TNFRSF1A: variants seen among roughly 807,000 people sequenced by gnomAD.
The protein encoded by TNFRSF1A is tumor necrosis factor receptor superfamily member 1A.
Under a neutral mutation model 41.6 loss-of-function variants are expected in TNFRSF1A, and 9 were observed. That is an observed-to-expected ratio of 0.22 (90% CI 0.13 to 0.38). TNFRSF1A has a LOEUF of 0.38. Ranked by LOEUF, TNFRSF1A falls within the 10% of genes least tolerant of loss-of-function variation. The pLI, the probability that TNFRSF1A is intolerant of heterozygous loss-of-function variation, is 1.00. For missense variants in TNFRSF1A, 463 were observed against 591.5 expected, an observed-to-expected ratio of 0.78 and a Z score of 2.25; for synonymous variants, 254 against 248.6, an observed-to-expected ratio of 1.02 and a Z score of -0.21.
At chr12:6,332,317 T>C (rs2136819886) in intron 5 of TNFRSF1A, among the ~76,000 whole-genome samples, 1 of 151,042 alleles carries the variant, frequency 6.6e-6, no homozygotes, top group Non-Finnish European at 1.5e-5. Context: ...TGTGTGCCTC[T>C]AATCCCAGCT....
rs1947990338 is a variant in TNFRSF1A at position 6,329,183 on chromosome 12, G to A, written c.*129C>T. ...AGCTGAGAAAAGCTATGTACATCGA[G>A]GGGTTAGCACCAAGTAGGCGGCTGC... On this transcript the variant is annotated 3_prime_UTR_variant, in exon 10 of 10. Transcript: ENST00000162749. 2 of 877,960 alleles carry A rather than the reference G, an allele frequency of 2.3e-6. No individual in the cohort carries two copies. Among genetic ancestry groups the A allele is most frequent in the Non-Finnish European group, 3.2e-6 (2 of 617,764 alleles). The allele number at this position is 877,960 out of a possible 1,614,324, so 54.4% of individuals were successfully genotyped here.
chr12:6,329,718 C>A, intron 9 of TNFRSF1A, 60 bp downstream of exon 9: 1 of 1,547,662 alleles, frequency 6.5e-7, no homozygotes, highest in East Asian at 2.4e-5. Context: ...CTGGGAGCGC[C>A]TCCCGCGCTC....
chr12:6,329,741 CCCAGCCTCCTCGTCT>C (rs1565465896), intron 9 of TNFRSF1A, 22 bp downstream of exon 9: 1 of 1,578,736 alleles, frequency 6.3e-7, no homozygotes, highest in South Asian at 1.1e-5. Flanking sequence ...CCGGCCCTCC[CCCAGCCTCCTCGTCT>C]CCAGCCGCGG....
chr12:6,330,759 G>A (rs768035642), intron 6 of TNFRSF1A, 48 bp from the exon 7 acceptor site: 14 of 1,579,524 alleles, frequency 8.9e-6, no homozygotes, highest in South Asian at 2.2e-5. Context: ...GAGGGGGGCC[G>A]CAGGGATAGA....
rs104895290 is a variant in TNFRSF1A at position 6,333,776 on chromosome 12, G to A, written c.283C>T (p.His95Tyr). Residue 95 changes from histidine to tyrosine, a missense_variant, in exon 3 of 10, where the codon CAC (histidine) becomes TAC (tyrosine). Physicochemically the swap from His to Tyr is moderately conservative, Grantham distance 83. This residue lies in a region of TNFRSF1A where 149 missense variants were observed against 239.4 expected (regional missense o/e 0.62). Coordinates refer to ENST00000162749, the MANE Select transcript of TNFRSF1A (RefSeq NM_001065.4). The surrounding 1 kb of genome is among the most constrained non-coding windows in gnomAD (Gnocchi z 6.3). ...ESGSFTASEN[H>Y]LRHCLSCSKC... is the part of the protein sequence containing the mutation. ...GAGCAGCTGAGGCAGTGTCTGAGGT[G>A]GTTTTCTGAAGCGGTGAAGGAGCCG... 2.5e-6 allele frequency: 4 copies of A among 1,578,526 alleles called. No individual in the cohort carries two copies.
In TNFRSF1A at chr12:6,333,607, T is replaced by C. The variant is rs1226711838; in HGVS notation, c.323-91A>G. 6 of 1,590,294 alleles carry C rather than the reference T, an allele frequency of 3.8e-6. No homozygotes were observed. Among genetic ancestry groups the C allele is most frequent in the Non-Finnish European group, 4.3e-6 (5 of 1,164,262 alleles). On this transcript the variant is annotated intron_variant, in intron 3 of 9. Transcript: ENST00000162749. This position sits in a 1 kb window ranked among gnomAD's most constrained non-coding sequence, Gnocchi z 6.3. ...TACCCCTAAGTGTGTGTCTCTGTAATACACACTCACATCCATGCAGTGTCC... is the reference window on the plus strand; with the variant it reads ...TACCCCTAAGTGTGTGTCTCTGTAACACACACTCACATCCATGCAGTGTCC...
Position 6,330,045 on chromosome 12 carries a change from T to G in TNFRSF1A, c.790A>C (p.Thr264Pro). The change falls in exon 9 of 10, where the codon ACT becomes CCT. Residue 264 changes from threonine (T) to proline (P), a missense_variant. Around this residue, in one of 4 missense-constraint regions of TNFRSF1A, gnomAD observed 277 missense variants for 288.8 expected, o/e 0.96. Transcript: ENST00000162749. ...EKEGELEGTTTKPLAPNPSFS... is the reference protein window; with the variant it reads ...EKEGELEGTTPKPLAPNPSFS... ...CTTGGGTTTGGGGCCAGGGGCTTAG[T>G]AGTAGTTCCTTCAAGCTCCCCCTGA... 1 of 1,612,946 alleles carries G rather than the reference T, an allele frequency of 6.2e-7. No individual in the cohort carries two copies. The highest frequency in any genetic ancestry group is 8.5e-7 in the Non-Finnish European group (1 of 1,179,934).
At position 6,341,464 on chromosome 12, in the gene TNFRSF1A, C is replaced by T. The variant is rs1024279821; in HGVS notation, c.39+312G>A. ...TTTTCCCCGCCAAATCTGCCCCACCCTGGGCCTATCTCCTGCCCACATTCC... is the reference window on the plus strand; with the variant it reads ...TTTTCCCCGCCAAATCTGCCCCACCTTGGGCCTATCTCCTGCCCACATTCC... On this transcript the variant is annotated intron_variant, in intron 1 of 9. Coordinates refer to ENST00000162749, the MANE Select transcript of TNFRSF1A (RefSeq NM_001065.4). This position sits in a 1 kb window ranked among gnomAD's most constrained non-coding sequence, Gnocchi z 4.6. Among the ~76,000 whole-genome samples, 1 of 152,272 alleles carries T rather than the reference C, an allele frequency of 6.6e-6. No homozygotes were observed. Among genetic ancestry groups the T allele is most frequent in the Non-Finnish European group, 1.5e-5 (1 of 68,050 alleles).
Position 6,334,281 on chromosome 12 carries a change from G to A in TNFRSF1A, c.40-37C>T. The A allele has an allele frequency of 6.3e-7, 1 of 1,597,114 alleles. No individual in the cohort carries two copies. Among genetic ancestry groups the A allele is most frequent in the Non-Finnish European group, 8.6e-7 (1 of 1,167,212 alleles). On this transcript the variant is annotated intron_variant, in intron 1 of 9. Coordinates refer to ENST00000162749, the MANE Select transcript of TNFRSF1A (RefSeq NM_001065.4). This position sits in a 1 kb window ranked among gnomAD's most constrained non-coding sequence, Gnocchi z 5.1. ...TCAGATAGAGGAGACACCATCAAGA[G>A]AGGGAGGGATGGGAAGCTTAGGGGT...
rs766633442 is a variant in TNFRSF1A, at chr12:6,333,899, G to A, written c.194-34C>T. 6.2e-7 allele frequency: 1 copy of A among 1,601,736 alleles called. No homozygotes were observed. Among genetic ancestry groups the A allele is most frequent in the Admixed American group, 1.7e-5 (1 of 57,650 alleles). ...GGGGCCGCAGAGTTAGGCTGCGGGT[G>A]AGAACACAAGGAAGGAGCCCCATGC... On this transcript the variant is annotated intron_variant, in intron 2 of 9. Coordinates refer to ENST00000162749, the MANE Select transcript of TNFRSF1A (RefSeq NM_001065.4). This position sits in a 1 kb window ranked among gnomAD's most constrained non-coding sequence, Gnocchi z 6.3.
intron 1 of TNFRSF1A, among the ~76,000 whole-genome samples, chr12:6,340,699 T>A (rs563288411): frequency 6.6e-6 from 1 of 151,762 alleles, no homozygotes; most frequent in South Asian, 2.1e-4. Flanking sequence ...AAGAAAGGAA[T>A]GGTAGGAGAG....
chr12:6,338,247 C>T (rs553687714), intron 1 of TNFRSF1A, among the ~76,000 whole-genome samples: 3 of 152,178 alleles, frequency 2.0e-5, no homozygotes, highest in East Asian at 1.9e-4. Flanking sequence ...ATCGACTTCC[C>T]GGACGAATGC....
intron 5 of TNFRSF1A, 25 bp from the exon 6 acceptor site, chr12:6,330,951 AAC>A: frequency 1.2e-6 from 2 of 1,602,440 alleles, no homozygotes; most frequent in Non-Finnish European, 1.7e-6. Flanking sequence ...GGCACTGGTG[AAC>A]AGAGGCCCTA....
rs4149580 is a variant in TNFRSF1A at position 6,337,824 on chromosome 12, G to A, written c.40-3580C>T. ...CTTATCCTCCCCTGGTGTCCTCTCA[G>A]CTCCCAGAACCAGACCTCCAGACTG... On this transcript the variant is annotated intron_variant, in intron 1 of 9. Transcript: ENST00000162749. The surrounding 1 kb of genome is among the most constrained non-coding windows in gnomAD (Gnocchi z 4.6). 0.3 allele frequency among the ~76,000 whole-genome samples: 46,185 copies of A among 151,800 alleles called. 8,252 individuals carry two copies. Among genetic ancestry groups the A allele is most frequent in the Non-Finnish European group, 0.41 (27,602 of 67,826 alleles).
chr12:6,334,163 C>G lies in TNFRSF1A; in HGVS notation c.121G>C (p.Asp41His), dbSNP rs199882512. The G allele has an allele frequency of 6.2e-6, 10 of 1,614,164 alleles. No individual in the cohort carries two copies. Among genetic ancestry groups the G allele is most frequent in the East Asian group, 2.2e-5 (1 of 44,890 alleles). Residue 41 changes from aspartate to histidine, a missense_variant, in exon 2 of 10, where the codon GAT becomes CAT. Coordinates refer to ENST00000162749, the MANE Select transcript of TNFRSF1A (RefSeq NM_001065.4). This position sits in a 1 kb window ranked among gnomAD's most constrained non-coding sequence, Gnocchi z 5.1. ...VPHLGDREKR[D>H]SVCPQGKYIH... ...TATTTTCCTTGGGGACACACACTATCTCTCTTCTCCCTGTCCCCTAGGTGA... is the reference window on the plus strand; with the variant it reads ...TATTTTCCTTGGGGACACACACTATGTCTCTTCTCCCTGTCCCCTAGGTGA...
In TNFRSF1A at chr12:6,329,455, G is replaced by A. The variant is rs1163833048; in HGVS notation, c.1225C>T (p.Arg409Trp). Residue 409 changes from arginine to tryptophan, a missense_variant, in exon 10 of 10, where the codon CGG becomes TGG. Physicochemically the swap from Arg to Trp is moderately radical, Grantham distance 101. Coordinates refer to ENST00000162749, the MANE Select transcript of TNFRSF1A (RefSeq NM_001065.4). ...GTGGCCTCGCGCCGCGGCGTGCGCCGCCTCCAGGTCGCCAGCATGCTGTAT... is the reference window on the plus strand; with the variant it reads ...GTGGCCTCGCGCCGCGGCGTGCGCCACCTCCAGGTCGCCAGCATGCTGTAT... ...AQYSMLATWR[R>W]RTPRREATLE... The A allele has an allele frequency of 4.4e-6, 7 of 1,589,854 alleles. No homozygotes were observed. The African/African-American group carries it at 5.4e-5, about 12-fold the overall frequency.
chr12:6,330,218 T>A, intron 8 of TNFRSF1A, 49 bp downstream of exon 8: 4 of 1,613,936 alleles, frequency 2.5e-6, no homozygotes, highest in Non-Finnish European at 3.4e-6. Context: ...TAGGCAATTA[T>A]AAGGAATGGT....
rs34145452 is a variant in TNFRSF1A, at chr12:6,337,997, T to TCC, written c.40-3755_40-3754dup. Among the ~76,000 whole-genome samples, 1 of 151,820 alleles carries TCC rather than the reference T, an allele frequency of 6.6e-6. No individual in the cohort carries two copies. Among genetic ancestry groups the TCC allele is most frequent in the Non-Finnish European group, 1.5e-5 (1 of 67,942 alleles). ...TCTCCGGGGGAGAGTTTTCAGACCATCCCCCCACCTCCCCACACACAAGCA... is the reference window on the plus strand; with the variant it reads ...TCTCCGGGGGAGAGTTTTCAGACCATCCCCCCCCACCTCCCCACACACAAGCA... On this transcript the variant is annotated intron_variant, in intron 1 of 9. Transcript: ENST00000162749. The surrounding 1 kb of genome is among the most constrained non-coding windows in gnomAD (Gnocchi z 4.6).
At chr12:6,331,276 G>A (rs978334289) in intron 5 of TNFRSF1A, 2 of 388,828 alleles carry the variant, frequency 5.1e-6, no homozygotes, top group African/African-American at 2.1e-5. Flanking sequence ...TCTCAGGATT[G>A]AGGATTAAGC....
Sources: gnomAD v4.1 joint callset for allele counts (sites outside exome capture counted in the v4.1 genomes callset) on GRCh38, gnomAD v4.1.1 for gene constraint, gnomAD v4.1.1 regional missense constraint, Gnocchi (gnomAD v3.1) non-coding constraint, MANE v1.5 for transcripts, NCBI Gene and HGNC (gene_info 2026-07-23, HGNC 2026-07-21) for gene names.